CELF2: variants seen among roughly 807,000 people sequenced by gnomAD.
CELF2 encodes the protein CUG triplet repeat RNA-binding protein 2.
Under a neutral mutation model 62.6 loss-of-function variants are expected in CELF2, and 8 were observed. That is an observed-to-expected ratio of 0.13 (90% CI 0.07 to 0.23). The LOEUF (loss-of-function observed/expected upper bound fraction) is 0.23, where lower values mean the gene tolerates loss of function less well. Ranked by LOEUF, CELF2 falls within the 10% of genes least tolerant of loss-of-function variation. The pLI is 1.00. For missense variants in CELF2, 333 were observed against 671.0 expected (o/e 0.50, Z 5.56); for synonymous variants, 258 against 250.0 (o/e 1.03, Z -0.30).
Position 10,834,179 on chromosome 10 carries a change from A to T in CELF2, c.53+35362A>T, listed in dbSNP as rs117549381. Among the ~76,000 whole-genome samples the T allele has an allele frequency of 2.2e-4, 33 of 152,356 alleles. 1 individual carries two copies. The East Asian group carries it at 6.4e-3, about 29-fold the overall frequency. ...TTGCAGGGACATAGGTGGAGCTAGA[A>T]GCCATCATCCTTAGCGAAGTAACTC... is the stretch of plus-strand genomic sequence containing the variant. On this transcript the variant is annotated intron_variant, in intron 1 of 13. Coordinates refer to the CELF2 transcript ENST00000636488.
intron 4 of CELF2, among the ~76,000 whole-genome samples, chr10:11,252,346 T>C (rs1384867989): frequency 6.6e-6 from 1 of 152,250 alleles, no homozygotes; most frequent in East Asian, 1.9e-4. Context: ...ATTGCACTTT[T>C]ATTGAGTTTG....
At chr10:10,975,798 G>A (rs1184596849) in intron 2 of CELF2, among the ~76,000 whole-genome samples, 1 of 152,234 alleles carries the variant, frequency 6.6e-6, no homozygotes, top group African/African-American at 2.4e-5. Context: ...AGAAATCGAG[G>A]GCAAGCCAGT....
At chr10:11,210,151 T>A (rs1024717973) in intron 2 of CELF2, among the ~76,000 whole-genome samples, 2 of 152,214 alleles carry the variant, frequency 1.3e-5, no homozygotes, top group African/African-American at 2.4e-5. Flanking sequence ...TGAATTCGAA[T>A]ATAACTCGAG....
At chr10:10,798,992 G>A (rs1245505786) in intron 1 of CELF2, among the ~76,000 whole-genome samples, 1 of 152,222 alleles carries the variant, frequency 6.6e-6, no homozygotes, top group Non-Finnish European at 1.5e-5. Context: ...GTAAGGAGTG[G>A]CCTGTGAACG....
At chr10:11,219,476 GATT>G (rs2064190038) in intron 3 of CELF2, among the ~76,000 whole-genome samples, 1 of 152,190 alleles carries the variant, frequency 6.6e-6, no homozygotes, top group African/African-American at 2.4e-5. Flanking sequence ...TTGGTCGGTG[GATT>G]ATTTTTGGTT....
chr10:10,748,605 G>A, the CELF2 span, among the ~76,000 whole-genome samples: 93 of 151,856 alleles, frequency 6.1e-4, no homozygotes, highest in African/African-American at 2.4e-4. Flanking sequence ...AAAAGTAGCC[G>A]GCCATGGTCA....
At chr10:10,754,061 G>GGT in the CELF2 span, among the ~76,000 whole-genome samples, 13 of 85,044 alleles carry the variant, frequency 1.5e-4, 1 homozygote, top group East Asian at 4.9e-4. Flanking sequence ...TGCTGAGGTG[G>GGT]TTTTTTTTTT....
chr10:11,257,249 C>A (rs2079047954), intron 4 of CELF2, among the ~76,000 whole-genome samples: 1 of 148,038 alleles, frequency 6.8e-6, no homozygotes, highest in Admixed American at 6.9e-5. Context: ...TGAAAAGTTT[C>A]ATTCGCTGTT....
At chr10:11,171,913 G>C (rs2069002148) in intron 2 of CELF2, among the ~76,000 whole-genome samples, 1 of 152,100 alleles carries the variant, frequency 6.6e-6, no homozygotes, top group African/African-American at 2.4e-5. Flanking sequence ...GAGTGGGGAG[G>C]GTCATTTTCA....
At chr10:10,557,287 G>A in the CELF2 span, among the ~76,000 whole-genome samples, 2 of 150,394 alleles carry the variant, frequency 1.3e-5, no homozygotes, top group Non-Finnish European at 2.9e-5. Flanking sequence ...TTATTAAATA[G>A]GGAATCCTTT....
intron 1 of CELF2, among the ~76,000 whole-genome samples, chr10:10,804,732 CAT>C (rs2055032099): frequency 6.6e-6 from 1 of 152,192 alleles, no homozygotes; most frequent in African/African-American, 2.4e-5. Context: ...TGATGGGAAA[CAT>C]AGAACAGACC....
intron 1 of CELF2, among the ~76,000 whole-genome samples, chr10:11,150,352 C>T (rs190395050): frequency 1.3e-5 from 2 of 152,218 alleles, no homozygotes; most frequent in South Asian, 2.1e-4. Context: ...TAAACATGAA[C>T]CCTGCATGCC....
chr10:11,331,762 A>C lies in CELF2; in HGVS notation c.*2709A>C, dbSNP rs2096026807. 1 of 152,666 alleles carries C rather than the reference A, an allele frequency of 6.6e-6. No individual in the cohort carries two copies. The highest frequency in any genetic ancestry group is 1.5e-5 in the Non-Finnish European group (1 of 68,038). The allele number at this position is 152,666 out of a possible 1,614,324, so 9.5% of individuals were successfully genotyped here. On this transcript the variant is annotated 3_prime_UTR_variant, in exon 13 of 13. Transcript: ENST00000633077. ...TCCCACTTTTTTAACCACTCCGCAC[A>C]TCAGTGCTGTGAAGGCAACCTCACC...
At chr10:10,606,347 A>G in the CELF2 span, among the ~76,000 whole-genome samples, 1 of 152,214 alleles carries the variant, frequency 6.6e-6, no homozygotes. Flanking sequence ...TAAGAGACCT[A>G]AATCTTAATC....
chr10:11,036,601 A>C (rs997720264), intron 1 of CELF2, among the ~76,000 whole-genome samples: 3 of 152,200 alleles, frequency 2.0e-5, no homozygotes, highest in Non-Finnish European at 4.4e-5. Context: ...AATAAATGGG[A>C]ATCATACTTG....
chr10:10,609,163 A>G, the CELF2 span, among the ~76,000 whole-genome samples: 3 of 152,176 alleles, frequency 2.0e-5, no homozygotes, highest in East Asian at 5.8e-4. Context: ...ATTCCAGGTG[A>G]GAGAACTAAG....
chr10:10,907,707 T>C (rs970228843), intron 1 of CELF2, among the ~76,000 whole-genome samples: 7 of 152,300 alleles, frequency 4.6e-5, no homozygotes, highest in African/African-American at 1.7e-4. Context: ...TGTGAATGTA[T>C]TGAAGGTTGT....
At chr10:11,094,912 A>G (rs2142120515) in intron 1 of CELF2, among the ~76,000 whole-genome samples, 1 of 152,330 alleles carries the variant, frequency 6.6e-6, no homozygotes, top group South Asian at 2.1e-4. Context: ...ATCATTTTCT[A>G]CATTAATTAA....
At chr10:10,613,251 G>T in the CELF2 span, among the ~76,000 whole-genome samples, 3 of 152,148 alleles carry the variant, frequency 2.0e-5, no homozygotes, top group South Asian at 6.2e-4. Context: ...CCATGTGGGG[G>T]ATCGGAATAT....
Sources: gnomAD v4.1 joint callset for allele counts (sites outside exome capture counted in the v4.1 genomes callset) on GRCh38, gnomAD v4.1.1 for gene constraint, MANE v1.5 for transcripts, NCBI Gene and HGNC (gene_info 2026-07-23, HGNC 2026-07-21) for gene names.